CACNA2D3: variants seen among roughly 807,000 people sequenced by gnomAD.
CACNA2D3 encodes the protein calcium voltage-gated channel auxiliary subunit alpha2delta 3.
Under a neutral mutation model 160.6 loss-of-function variants are expected in CACNA2D3, and 60 were observed. The observed-to-expected ratio is 0.37, with a 90% CI of 0.30 to 0.46. The LOEUF is 0.46. Ranked by LOEUF, CACNA2D3 falls within the 20% of genes least tolerant of loss-of-function variation. CACNA2D3 has a pLI of 1.00. For synonymous variants in CACNA2D3, 558 were observed against 492.9 expected, an observed-to-expected ratio of 1.13 and a Z score of -1.75; for missense variants, 1,205 against 1,365.0, an observed-to-expected ratio of 0.88 and a Z score of 1.85.
At position 54,515,573 on chromosome 3, in the gene CACNA2D3, T is replaced by C. The variant is rs572905310; in HGVS notation, c.544+11919T>C. ...GCAGAACGCCCAAGTAAGTTGTTTCTGGCAGTCAGTGCAGATGCTACCTTT... is the reference window on the plus strand; with the variant it reads ...GCAGAACGCCCAAGTAAGTTGTTTCCGGCAGTCAGTGCAGATGCTACCTTT... On this transcript the variant is annotated intron_variant, in intron 5 of 37. Coordinates refer to ENST00000474759, the MANE Select transcript of CACNA2D3 (RefSeq NM_018398.3). 5.3e-5 allele frequency among the ~76,000 whole-genome samples: 8 copies of C among 152,346 alleles called. 1 individual carries two copies. In the South Asian group the frequency reaches 1.4e-3, roughly 28 times the overall value.
At chr3:54,947,867 T>C (rs987565414) in intron 27 of CACNA2D3, among the ~76,000 whole-genome samples, 1 of 152,172 alleles carries the variant, frequency 6.6e-6, no homozygotes, top group Non-Finnish European at 1.5e-5. Flanking sequence ...ACTAGGGAGC[T>C]GCTTCAAACC....
chr3:54,140,192 G>T (rs1165123901), intron 2 of CACNA2D3, among the ~76,000 whole-genome samples: 1 of 152,156 alleles, frequency 6.6e-6, no homozygotes, highest in Non-Finnish European at 1.5e-5. Flanking sequence ...ATCTCCTTGG[G>T]CCAGGTCCTG....
chr3:54,366,967 C>G (rs1698837291), intron 3 of CACNA2D3, among the ~76,000 whole-genome samples: 1 of 152,134 alleles, frequency 6.6e-6, no homozygotes, highest in African/African-American at 2.4e-5. Flanking sequence ...GCAAAGAAAA[C>G]AAGGGAGACT....
chr3:54,244,142 C>T (rs1236523522), intron 2 of CACNA2D3, among the ~76,000 whole-genome samples: 3 of 152,076 alleles, frequency 2.0e-5, no homozygotes, highest in East Asian at 1.9e-4. Flanking sequence ...CACAGCACTG[C>T]GACCGTGGAG....
chr3:54,288,717 A>T (rs1320453830), intron 2 of CACNA2D3, among the ~76,000 whole-genome samples: 1 of 152,166 alleles, frequency 6.6e-6, no homozygotes, highest in Non-Finnish European at 1.5e-5. Flanking sequence ...CAAAAAGCTT[A>T]TCCACCATGA....
In CACNA2D3 at chr3:54,535,922, G is replaced by A. The variant is rs144397228; in HGVS notation, c.545-26878G>A. Reference sequence around the variant, plus strand: ...TTCTTGTCTGGAAAACAGATGAAGTGGCCACCAGGTAGAATGACCCAAAAT... The same window carrying A: ...TTCTTGTCTGGAAAACAGATGAAGTAGCCACCAGGTAGAATGACCCAAAAT... On this transcript the variant is annotated intron_variant, in intron 5 of 37. Transcript: ENST00000474759. Among the ~76,000 whole-genome samples, 7 of 152,290 alleles carry A rather than the reference G, an allele frequency of 4.6e-5. No individual in the cohort carries two copies. In the East Asian group the frequency reaches 1.3e-3, roughly 29 times the overall value.
intron 4 of CACNA2D3, among the ~76,000 whole-genome samples, chr3:54,470,379 G>A (rs1700708027): frequency 1.3e-5 from 2 of 152,194 alleles, no homozygotes; most frequent in African/African-American, 4.8e-5. Flanking sequence ...AGAAGCAAAT[G>A]GTGAGAGATT....
rs1321048876 is a variant in CACNA2D3, at chr3:54,503,593, T to C, written c.483T>C (p.Asn161=). The C allele has an allele frequency of 1.2e-6, 2 of 1,613,924 alleles. No homozygotes were observed. Among genetic ancestry groups the C allele is most frequent in the East Asian group, 2.2e-5 (1 of 44,880 alleles). Residue 161 remains asparagine, a synonymous_variant, in exon 5 of 38, where the codon AAT becomes AAC. Transcript: ENST00000474759. ...TCTTAGCCCCAAATGACCATTTTAATAATTTGCCTGTGAACATCAGTCTAA... is the reference window on the plus strand; with the variant it reads ...TCTTAGCCCCAAATGACCATTTTAACAATTTGCCTGTGAACATCAGTCTAA... ...EFILAPNDHF[N]NLPVNISLSD...
At chr3:54,147,322 A>ACT (rs1700050584) in intron 2 of CACNA2D3, among the ~76,000 whole-genome samples, 1 of 152,244 alleles carries the variant, frequency 6.6e-6, no homozygotes, top group Non-Finnish European at 1.5e-5. Flanking sequence ...GCACAGAGGA[A>ACT]GCGTTGGCTC....
intron 11 of CACNA2D3, among the ~76,000 whole-genome samples, chr3:54,749,198 A>G (rs906627422): frequency 6.6e-6 from 1 of 152,212 alleles, no homozygotes; most frequent in Non-Finnish European, 1.5e-5. Context: ...TTTTAGAAAA[A>G]AATAGAATTT....
chr3:54,808,844 G>T (rs982887758), intron 13 of CACNA2D3, among the ~76,000 whole-genome samples: 3 of 152,008 alleles, frequency 2.0e-5, no homozygotes, highest in Non-Finnish European at 4.4e-5. Context: ...AGGTCTGTAG[G>T]GTCACCTGTG....
intron 34 of CACNA2D3, among the ~76,000 whole-genome samples, chr3:55,010,666 A>G (rs1703192677): frequency 6.6e-6 from 1 of 152,220 alleles, no homozygotes; most frequent in Non-Finnish European, 1.5e-5. Context: ...TCTTTTAAAA[A>G]AGAGATTGAT....
At chr3:54,793,364 G>A (rs1490796862) in intron 13 of CACNA2D3, among the ~76,000 whole-genome samples, 1 of 152,208 alleles carries the variant, frequency 6.6e-6, no homozygotes, top group African/African-American at 2.4e-5. Context: ...GGTTTTTTAA[G>A]CTCTTGTTTC....
chr3:54,464,811 A>G (rs1445006647), intron 4 of CACNA2D3, among the ~76,000 whole-genome samples: 3 of 152,154 alleles, frequency 2.0e-5, no homozygotes, highest in South Asian at 2.1e-4. Context: ...GGCACTCCCT[A>G]GTGAGATGAA....
Position 54,773,469 on chromosome 3 carries a change from T to C in CACNA2D3, c.1380+9118T>C, listed in dbSNP as rs149568738. On this transcript the variant is annotated intron_variant, in intron 13 of 37. Transcript: ENST00000474759. Reference sequence around the variant, plus strand: ...AACAGAGAATGCCATCTGCATTACATGGCAAGGAGGAAACTGATTATGTTG... The same window carrying C: ...AACAGAGAATGCCATCTGCATTACACGGCAAGGAGGAAACTGATTATGTTG... Among the ~76,000 whole-genome samples, 41 of 152,320 alleles carry C rather than the reference T, an allele frequency of 2.7e-4. No homozygotes were observed. The East Asian group carries it at 7.7e-3, about 29-fold the overall frequency.
chr3:54,760,157 T>C (rs2107085568), intron 12 of CACNA2D3, among the ~76,000 whole-genome samples: 1 of 152,234 alleles, frequency 6.6e-6, no homozygotes, highest in East Asian at 1.9e-4. Context: ...GAGAATCCAA[T>C]GATGGATGAG....
chr3:54,381,030 A>G (rs1460297019), intron 3 of CACNA2D3, among the ~76,000 whole-genome samples: 1 of 152,192 alleles, frequency 6.6e-6, no homozygotes. Flanking sequence ...AGAATTATGT[A>G]TTCATTCCAG....
chr3:54,662,562 G>A (rs771373060), intron 11 of CACNA2D3, among the ~76,000 whole-genome samples: 115 of 152,240 alleles, frequency 7.6e-4, no homozygotes, highest in Non-Finnish European at 1.2e-3. Context: ...TCCATAGGTC[G>A]TCCTCCAGAG....
intron 26 of CACNA2D3, among the ~76,000 whole-genome samples, chr3:54,898,846 A>G (rs1318032249): frequency 1.6e-4 from 24 of 151,978 alleles, no homozygotes; most frequent in Admixed American, 1.6e-3. Flanking sequence ...ACATTTCATA[A>G]CCCCCTTAGA....
Sources: gnomAD v4.1 joint callset for allele counts (sites outside exome capture counted in the v4.1 genomes callset) on GRCh38, gnomAD v4.1.1 for gene constraint, MANE v1.5 for transcripts, NCBI Gene and HGNC (gene_info 2026-07-23, HGNC 2026-07-21) for gene names.